STPG2: variants seen among roughly 807,000 people sequenced by gnomAD.
STPG2 encodes the protein sperm-tail PG-rich repeat-containing protein 2.
Under a neutral mutation model 54.2 loss-of-function variants are expected in STPG2, and 56 were observed. That is an observed-to-expected ratio of 1.03 (90% confidence interval 0.83 to 1.29). The LOEUF (loss-of-function observed/expected upper bound fraction) is 1.29. STPG2 is among the 50% of genes most tolerant of loss of function. The pLI, the probability that STPG2 is intolerant of heterozygous loss-of-function variation, is 0.00. For missense variants in STPG2, 596 were observed against 544.9 expected (o/e 1.09, Z -0.93); for synonymous variants, 200 against 181.8 (o/e 1.10, Z -0.81).
chr4:98,132,010 T>G (rs1274686955), intron 2 of STPG2, among the ~76,000 whole-genome samples: 3 of 152,144 alleles, frequency 2.0e-5, no homozygotes, highest in African/African-American at 7.2e-5. Flanking sequence ...TTGTCTTGAA[T>G]TAGCAGCTAC....
At chr4:97,823,897 C>T (rs1728170274) in intron 9 of STPG2, among the ~76,000 whole-genome samples, 1 of 152,152 alleles carries the variant, frequency 6.6e-6, no homozygotes, top group African/African-American at 2.4e-5. Context: ...TTGACTGAAC[C>T]TGGGTTTGAG....
intron 10 of STPG2, among the ~76,000 whole-genome samples, chr4:97,663,729 T>C (rs1437366359): frequency 3.3e-5 from 5 of 152,204 alleles, no homozygotes; most frequent in Non-Finnish European, 7.4e-5. Flanking sequence ...TCACTATATC[T>C]GAGAGCTGTT....
intron 5 of STPG2, among the ~76,000 whole-genome samples, chr4:98,078,288 CT>C (rs1347885235): frequency 6.6e-6 from 1 of 151,998 alleles, no homozygotes; most frequent in East Asian, 1.9e-4. Flanking sequence ...ATATATTTTT[CT>C]TGGAAACTTA....
intron 4 of STPG2, among the ~76,000 whole-genome samples, chr4:97,452,535 A>G (rs1729404086): frequency 6.6e-6 from 1 of 152,122 alleles, no homozygotes; most frequent in Non-Finnish European, 1.5e-5. Flanking sequence ...TCTGAGGCCC[A>G]TAAAAGCCCC....
At position 97,858,754 on chromosome 4, in the gene STPG2, A is replaced by G. The variant is rs28799310; in HGVS notation, c.1045-17822T>C. Among the ~76,000 whole-genome samples, 523 of 152,274 alleles carry G rather than the reference A, an allele frequency of 3.4e-3. 3 individuals are homozygous for G. The highest frequency in any genetic ancestry group is 0.012 in the African/African-American group (495 of 41,554). The stretch of plus-strand genomic sequence containing the variant: ...TCATTTCTTTTCATTGCTGAGTAGT[A>G]TTCCATGGTGTACGTATACCACATT... On this transcript the variant is annotated intron_variant, in intron 8 of 10. Transcript: ENST00000295268.
rs572080334 is a variant in STPG2, at chr4:98,094,859, T to C, written c.612+11094A>G. On this transcript the variant is annotated intron_variant, in intron 5 of 10. Transcript: ENST00000295268. Reference sequence around the variant, plus strand: ...CAGTATAATAGAACATCAGGTAAATTCCCAAACACGAAATTACAGTGTTAT... The same window carrying C: ...CAGTATAATAGAACATCAGGTAAATCCCCAAACACGAAATTACAGTGTTAT... 2.0e-5 allele frequency among the ~76,000 whole-genome samples: 3 copies of C among 152,120 alleles called. No individual in the cohort carries two copies. The South Asian group carries it at 6.2e-4, about 32-fold the overall frequency.
chr4:97,847,097 GA>G (rs1032023486), intron 8 of STPG2, among the ~76,000 whole-genome samples: 26 of 152,012 alleles, frequency 1.7e-4, no homozygotes, highest in Non-Finnish European at 3.1e-4. Context: ...TATATATGGT[GA>G]AAAAATTTAT....
chr4:97,581,423 A>C lies in STPG2; in HGVS notation c.1321-22306T>G, dbSNP rs1400556259. On this transcript the variant is annotated intron_variant, in intron 10 of 10. Transcript: ENST00000295268. ...CTTACTAAAAATTATATTTGGCCTA[A>C]CTCTGTAGCTACGGAGAACAATGCA... 2.6e-5 allele frequency among the ~76,000 whole-genome samples: 4 copies of C among 152,068 alleles called. 1 individual carries two copies. The South Asian group carries it at 6.2e-4, about 24-fold the overall frequency.
chr4:98,062,297 G>A (rs1176134030), intron 5 of STPG2, among the ~76,000 whole-genome samples: 1 of 152,150 alleles, frequency 6.6e-6, no homozygotes, highest in Non-Finnish European at 1.5e-5. Context: ...TTGTCTAGTT[G>A]TAGGTGGAGG....
chr4:97,835,350 T>A (rs949270083), intron 9 of STPG2, among the ~76,000 whole-genome samples: 1 of 152,158 alleles, frequency 6.6e-6, no homozygotes, highest in Non-Finnish European at 1.5e-5. Flanking sequence ...AACGCATGAA[T>A]AATCCACCCC....
chr4:97,956,724 A>T (rs1286757394), intron 7 of STPG2, among the ~76,000 whole-genome samples: 1 of 152,172 alleles, frequency 6.6e-6, no homozygotes, highest in African/African-American at 2.4e-5. Context: ...CATAACAATT[A>T]CTACAGCTTG....
At chr4:97,505,853 CTAAT>C (rs1169781957) in intron 4 of STPG2, among the ~76,000 whole-genome samples, 3 of 151,254 alleles carry the variant, frequency 2.0e-5, no homozygotes, top group South Asian at 2.1e-4. Flanking sequence ...GGCTTATCAA[CTAAT>C]TAATTATTAT....
In STPG2 at chr4:97,493,472, TTAG is replaced by T. The variant is rs149360924; in HGVS notation, c.462+219224_462+219226del. 2.9e-3 allele frequency among the ~76,000 whole-genome samples: 432 copies of T among 151,408 alleles called. 3 individuals carry two copies. The highest frequency in any genetic ancestry group is 9.8e-3 in the African/African-American group (406 of 41,408). Reference sequence around the variant, plus strand: ...GGTCTAAAGTTACTCAAGGAGAATATTAGTGGAGTTTTAAGGGAAGTGAGAAAA... The same window carrying T: ...GGTCTAAAGTTACTCAAGGAGAATATTGGAGTTTTAAGGGAAGTGAGAAAA... On this transcript the variant is annotated intron_variant, in intron 4 of 4. Transcript: ENST00000522676.
chr4:97,660,633 G>T (rs1020031369), intron 10 of STPG2, among the ~76,000 whole-genome samples: 2 of 152,182 alleles, frequency 1.3e-5, no homozygotes, highest in Middle Eastern at 3.4e-3. Context: ...CAATTCACAC[G>T]CAAGGCAAGT....
Position 97,521,325 on chromosome 4 carries a change from C to G in STPG2, c.462+191374G>C, listed in dbSNP as rs185988027. On this transcript the variant is annotated intron_variant, in intron 4 of 4. Transcript: ENST00000522676. ...AATCAAGGAAACTTAAGAAATTTGC[C>G]GGGTCAATCTCTAATTTAATTGATT... 2.8e-3 allele frequency among the ~76,000 whole-genome samples: 424 copies of G among 151,974 alleles called. 2 individuals are homozygous for G. The highest frequency in any genetic ancestry group is 4.6e-3 in the Non-Finnish European group (313 of 67,934).
chr4:98,112,213 C>T (rs1361376240), intron 3 of STPG2, among the ~76,000 whole-genome samples: 1 of 151,852 alleles, frequency 6.6e-6, no homozygotes, highest in Non-Finnish European at 1.5e-5. Context: ...ATGGTGAGCC[C>T]GTAAGATTAT....
At chr4:97,782,806 C>T (rs960231230) in intron 9 of STPG2, among the ~76,000 whole-genome samples, 8 of 152,034 alleles carry the variant, frequency 5.3e-5, no homozygotes, top group African/African-American at 1.7e-4. Flanking sequence ...CTTTGACAAA[C>T]CTGACAAAAA....
At chr4:97,550,317 G>A (rs981128084) in intron 4 of STPG2, among the ~76,000 whole-genome samples, 4 of 151,818 alleles carry the variant, frequency 2.6e-5, no homozygotes, top group African/African-American at 9.7e-5. Flanking sequence ...CTTAATGTTT[G>A]TAATCTAGTA....
intron 5 of STPG2, among the ~76,000 whole-genome samples, chr4:98,050,877 C>T (rs183575299): frequency 0.018 from 2,735 of 151,888 alleles, 72 homozygotes; most frequent in African/African-American, 0.063. Flanking sequence ...TGGTGTCGGA[C>T]GCCTGTAGTC....
Sources: gnomAD v4.1 joint callset for allele counts (sites outside exome capture counted in the v4.1 genomes callset) on GRCh38, gnomAD v4.1.1 for gene constraint, MANE v1.5 for transcripts, NCBI Gene and HGNC (gene_info 2026-07-23, HGNC 2026-07-21) for gene names.